AGBL1: variants seen among roughly 807,000 people sequenced by gnomAD.
AGBL1 encodes the protein cytosolic carboxypeptidase 4.
AGBL1 carries 130 observed loss-of-function variants against 118.9 expected under a neutral mutation model. The observed-to-expected ratio is 1.09, with a 90% CI of 0.95 to 1.26. The LOEUF is 1.26. AGBL1 is among the 50% of genes most tolerant of loss of function. The probability of loss-of-function intolerance (pLI) is 0.00; values close to 1 mark genes in which losing one functional copy is unlikely to be tolerated. For synonymous variants in AGBL1, 555 were observed against 478.9 expected (o/e 1.16, Z -2.08); for missense variants, 1,584 against 1,298.1 (o/e 1.22, Z -3.38).
intron 19 of AGBL1, among the ~76,000 whole-genome samples, chr15:86,526,850 G>T (rs759218319): frequency 6.6e-6 from 1 of 152,018 alleles, no homozygotes; most frequent in East Asian, 1.9e-4. Flanking sequence ...TGGAGAAACA[G>T]AAGGGGGTTG....
chr15:86,265,733 A>G (rs1346137780), intron 11 of AGBL1, among the ~76,000 whole-genome samples: 1 of 152,192 alleles, frequency 6.6e-6, no homozygotes, highest in Non-Finnish European at 1.5e-5. Flanking sequence ...TGCATAGGAC[A>G]TCTTCCCTCT....
chr15:86,790,197 T>G (rs1371004218), intron 22 of AGBL1, among the ~76,000 whole-genome samples: 1 of 152,024 alleles, frequency 6.6e-6, no homozygotes, highest in Non-Finnish European at 1.5e-5. Context: ...AGGAAAGTAC[T>G]GTGTTTCTCC....
intron 21 of AGBL1, among the ~76,000 whole-genome samples, chr15:86,574,829 T>C (rs2084062902): frequency 6.6e-6 from 1 of 151,006 alleles, no homozygotes; most frequent in Non-Finnish European, 1.5e-5. Flanking sequence ...CTACCGTCCT[T>C]GGCCTCCCAA....
intron 1 of AGBL1, among the ~76,000 whole-genome samples, chr15:86,127,401 C>G (rs1241592437): frequency 1.3e-5 from 2 of 152,150 alleles, no homozygotes; most frequent in East Asian, 3.9e-4. Flanking sequence ...GAAATAAGAA[C>G]TTGGAAAATT....
At chr15:86,751,156 G>A (rs574705187) in intron 22 of AGBL1, among the ~76,000 whole-genome samples, 5 of 152,098 alleles carry the variant, frequency 3.3e-5, no homozygotes, top group Admixed American at 3.3e-4. Context: ...GGGATTGCTG[G>A]GTCGAATGGT....
chr15:86,544,635 C>A (rs879748961), intron 19 of AGBL1, among the ~76,000 whole-genome samples: 4 of 152,104 alleles, frequency 2.6e-5, no homozygotes, highest in Non-Finnish European at 5.9e-5. Context: ...ACCATCAGGT[C>A]TCATGACACT....
intron 22 of AGBL1, among the ~76,000 whole-genome samples, chr15:86,868,916 G>A (rs959446239): frequency 1.3e-5 from 2 of 152,202 alleles, no homozygotes; most frequent in African/African-American, 4.8e-5. Context: ...TGTGCTTTTA[G>A]TAGAAGATAA....
chr15:86,469,029 C>CT (rs1380610121), intron 18 of AGBL1, among the ~76,000 whole-genome samples: 24 of 152,148 alleles, frequency 1.6e-4, no homozygotes, highest in Admixed American at 9.2e-4. Context: ...TGGTTAAATG[C>CT]TTATCAGTCA....
chr15:86,263,504 G>T (rs2079025937), intron 10 of AGBL1, among the ~76,000 whole-genome samples: 1 of 152,208 alleles, frequency 6.6e-6, no homozygotes, highest in Non-Finnish European at 1.5e-5. Context: ...CTATTGTCTG[G>T]TGGGCAGGGT....
chr15:86,446,000 G>C (rs969467964), intron 18 of AGBL1, among the ~76,000 whole-genome samples: 5 of 152,176 alleles, frequency 3.3e-5, no homozygotes, highest in African/African-American at 1.2e-4. Flanking sequence ...GAGATGGAGA[G>C]AGAGGGAGGA....
chr15:86,602,880 A>G (rs2084517668), intron 21 of AGBL1, among the ~76,000 whole-genome samples: 1 of 152,136 alleles, frequency 6.6e-6, no homozygotes, highest in Non-Finnish European at 1.5e-5. Flanking sequence ...GTGGAATGCT[A>G]GGATCTGTGT....
intron 18 of AGBL1, among the ~76,000 whole-genome samples, chr15:86,416,207 G>T (rs375519533): frequency 6.6e-6 from 1 of 152,162 alleles, no homozygotes; most frequent in African/African-American, 2.4e-5. Context: ...TCGTTTCTAA[G>T]AAGTGGATTG....
At chr15:86,229,581 ATCT>A in intron 6 of AGBL1, among the ~76,000 whole-genome samples, 2 of 152,108 alleles carry the variant, frequency 1.3e-5, no homozygotes, top group Admixed American at 1.3e-4. Flanking sequence ...ATCTCATCTC[ATCT>A]TCTTCTACCT....
In AGBL1 at chr15:86,968,354, A is replaced by C. The variant is rs534141369; in HGVS notation, c.3222-19633A>C. On this transcript the variant is annotated intron_variant, in intron 23 of 24. Transcript: ENST00000441037. Reference sequence around the variant, plus strand: ...AGAGCTAAGGTAATGATTAGATGGAATGTTCAGTGGAAAAAAACGACTTCT... The same window carrying C: ...AGAGCTAAGGTAATGATTAGATGGACTGTTCAGTGGAAAAAAACGACTTCT... Among the ~76,000 whole-genome samples the C allele has an allele frequency of 3.9e-5, 6 of 152,028 alleles. No homozygotes were observed. In the East Asian group the frequency reaches 9.7e-4, roughly 25 times the overall value.
At chr15:87,024,607 G>A (rs1567292730) in intron 24 of AGBL1, among the ~76,000 whole-genome samples, 2 of 151,954 alleles carry the variant, frequency 1.3e-5, no homozygotes, top group African/African-American at 4.8e-5. Flanking sequence ...TCCCAAGATG[G>A]AGAAAGAGAG....
intron 17 of AGBL1, among the ~76,000 whole-genome samples, chr15:86,383,364 G>C (rs1414217374): frequency 2.0e-5 from 3 of 151,830 alleles, no homozygotes; most frequent in Non-Finnish European, 4.4e-5. Flanking sequence ...GAGACAGGTG[G>C]GTTACTGAAG....
chr15:86,953,754 T>A (rs539382336), intron 23 of AGBL1, among the ~76,000 whole-genome samples: 1 of 152,180 alleles, frequency 6.6e-6, no homozygotes, highest in Middle Eastern at 3.2e-3. Context: ...ATGCTACTGA[T>A]TTTTGTACAC....
chr15:86,394,567 C>T (rs532275747), intron 17 of AGBL1, among the ~76,000 whole-genome samples: 2 of 152,248 alleles, frequency 1.3e-5, no homozygotes, highest in Admixed American at 6.5e-5. Flanking sequence ...TAGTGGTTTA[C>T]TGTTCTCAAA....
chr15:86,358,899 G>T (rs192269711), intron 17 of AGBL1, among the ~76,000 whole-genome samples: 50 of 151,344 alleles, frequency 3.3e-4, no homozygotes, highest in African/African-American at 3.1e-4. Context: ...AGTTATTTGA[G>T]TTCCTTATAT....
Sources: gnomAD v4.1 joint callset for allele counts (sites outside exome capture counted in the v4.1 genomes callset) on GRCh38, gnomAD v4.1.1 for gene constraint, MANE v1.5 for transcripts, NCBI Gene and HGNC (gene_info 2026-07-23, HGNC 2026-07-21) for gene names.